The following CST8 variants were observed in gnomAD, a reference collection of about 807,000 sequenced individuals.
CST8 encodes cystatin-8.
In CST8, 20 loss-of-function variants were observed where a neutral mutation model predicts 11.8. That is an observed-to-expected ratio of 1.70 (90% CI 1.20 to 2.47). The LOEUF (loss-of-function observed/expected upper bound fraction) is 2.47, where lower values mean the gene tolerates loss of function less well. Among genes scored for constraint, CST8 ranks in the 30% most tolerant of loss-of-function variants. The pLI is 0.00. For synonymous variants in CST8, 77 were observed against 63.1 expected (o/e 1.22, Z -1.05); for missense variants, 196 against 167.2 (o/e 1.17, Z -0.95).
the CST8 span, among the ~76,000 whole-genome samples, chr20:23,505,533 A>G: frequency 6.7e-6 from 1 of 149,422 alleles, no homozygotes; most frequent in Admixed American, 6.7e-5. Context: ...AAAAAAAAAA[A>G]TCACACCCCA....
Position 23,491,707 on chromosome 20 carries a change from A to G in CST8, c.40A>G (p.Ile14Val). 6.2e-7 allele frequency: 1 copy of G among 1,613,980 alleles called. No individual in the cohort carries two copies. Among genetic ancestry groups the G allele is most frequent in the Non-Finnish European group, 8.5e-7 (1 of 1,179,924 alleles). ...CRWLSLILLT[I>V]PLALVARKDP... ...GTGGCTCTCCCTGATCCTCCTCACCATTCCCCTGGCCCTGGTGGCCAGGAA... is the reference window on the plus strand; with the variant it reads ...GTGGCTCTCCCTGATCCTCCTCACCGTTCCCCTGGCCCTGGTGGCCAGGAA... The change falls in exon 2 of 4, where the codon ATT (isoleucine) becomes GTT (valine). Residue 14 changes from isoleucine to valine, a missense_variant. Ile to Val is a conservative substitution (Grantham distance 29). Coordinates refer to ENST00000246012, the MANE Select transcript of CST8 (RefSeq NM_005492.4).
intron 3 of CST8, 55 bp from the exon 4 acceptor site, chr20:23,495,776 T>TTTTTTTTTTTTTTTTTTTTTTTC: frequency 1.9e-5 from 1 of 53,654 alleles, no homozygotes; most frequent in Admixed American, 3.2e-4. Flanking sequence ...TTTTCTTTTC[T>TTTTTTTTTTTTTTTTTTTTTTTC]TTTTTTTTTT....
chr20:23,500,955 C>T (rs867175800), downstream of CST8, among the ~76,000 whole-genome samples: 6 of 152,176 alleles, frequency 3.9e-5, no homozygotes, highest in Non-Finnish European at 7.3e-5. Flanking sequence ...GCTTCCACCA[C>T]CATTTTGGAA....
At chr20:23,498,762 A>T (rs1600299783), downstream of CST8, among the ~76,000 whole-genome samples, 1 of 152,292 alleles carries the variant, frequency 6.6e-6, no homozygotes, top group Non-Finnish European at 1.5e-5. Context: ...TTGGAATGTG[A>T]TGTATCTTTT....
chr20:23,506,323 A>G, the CST8 span, among the ~76,000 whole-genome samples: 1 of 151,928 alleles, frequency 6.6e-6, no homozygotes, highest in African/African-American at 2.4e-5. Flanking sequence ...GGGGTCCTAG[A>G]CTCCTCCTTC....
chr20:23,499,649 C>T (rs1192388831), downstream of CST8, among the ~76,000 whole-genome samples: 1 of 152,194 alleles, frequency 6.6e-6, no homozygotes, highest in Admixed American at 6.5e-5. Flanking sequence ...TGCTGCCAGG[C>T]TCAGGATTCA....
intron 3 of CST8, 126 bp from the exon 4 acceptor site, chr20:23,495,705 G>A (rs1214720575): frequency 2.6e-5 from 18 of 698,414 alleles, no homozygotes; most frequent in Admixed American, 5.3e-5. Context: ...GAGCTCGCTC[G>A]AGAGTGGTGA....
chr20:23,495,863 T>G lies in CST8; in HGVS notation c.378T>G (p.Leu126=). The change falls in exon 4 of 4, where the codon CTT becomes CTG. Residue 126 remains leucine (L), a synonymous_variant. Transcript: ENST00000246012. ...KLSCSFLVGA[L]PWNGEFTVME... ...GCTGCAGCTTTTTGGTAGGAGCACT[T>G]CCCTGGAATGGTGAATTCACTGTGA... The G allele has an allele frequency of 6.2e-7, 1 of 1,612,220 alleles. No homozygotes were observed. The highest frequency in any genetic ancestry group is 8.5e-7 in the Non-Finnish European group (1 of 1,179,422).
chr20:23,494,883 G>T (rs1181564498), intron 3 of CST8, among the ~76,000 whole-genome samples: 4 of 152,244 alleles, frequency 2.6e-5, no homozygotes, highest in Middle Eastern at 3.4e-3. Flanking sequence ...TGTCACAGGG[G>T]TTTGGTGTAC....
chr20:23,496,659 C>T (rs1021253229), downstream of CST8, among the ~76,000 whole-genome samples: 5 of 152,168 alleles, frequency 3.3e-5, no homozygotes, highest in African/African-American at 7.2e-5. Context: ...GGAATTTCCT[C>T]GTCCTAATAA....
chr20:23,493,030 A>T lies in CST8; in HGVS notation c.304A>T (p.Asn102Tyr). The change falls in exon 3 of 4, where the codon AAT becomes TAT. Residue 102 changes from asparagine to tyrosine, a missense_variant. Physicochemically the swap from Asn to Tyr is moderately radical, Grantham distance 143 (BLOSUM62 -2). Coordinates refer to ENST00000246012, the MANE Select transcript of CST8 (RefSeq NM_005492.4). Reference sequence around the variant, plus strand: ...CGATTGCAGAAAGCCTTTAAGCACTAATGAAATCTGCGCCATTCAAGAAAA... The same window carrying T: ...CGATTGCAGAAAGCCTTTAAGCACTTATGAAATCTGCGCCATTCAAGAAAA... ...RSDCRKPLST[N>Y]EICAIQENSK... 1 of 1,613,158 alleles carries T rather than the reference A, an allele frequency of 6.2e-7. No homozygotes were observed. The highest frequency in any genetic ancestry group is 1.1e-5 in the South Asian group (1 of 91,060).
downstream of CST8, among the ~76,000 whole-genome samples, chr20:23,496,362 G>A (rs572537170): frequency 5.8e-4 from 88 of 152,160 alleles, no homozygotes; most frequent in Admixed American, 1.9e-3. Context: ...TCACATGTCG[G>A]CAGGTTCCAT....
the CST8 span, among the ~76,000 whole-genome samples, chr20:23,504,225 C>T: frequency 6.6e-6 from 1 of 152,294 alleles, no homozygotes; most frequent in South Asian, 2.1e-4. Flanking sequence ...CTAATGGATG[C>T]CAAGTAGCTA....
the CST8 span, among the ~76,000 whole-genome samples, chr20:23,506,501 C>A: frequency 2.0e-5 from 3 of 152,208 alleles, no homozygotes; most frequent in African/African-American, 7.2e-5. Flanking sequence ...CTTTCTATAC[C>A]CCATGTTCTG....
At chr20:23,499,537 G>A (rs769303989), downstream of CST8, among the ~76,000 whole-genome samples, 1 of 152,218 alleles carries the variant, frequency 6.6e-6, no homozygotes, top group Non-Finnish European at 1.5e-5. Context: ...AGCTCTGAAT[G>A]CCCAGTGCTG....
At chr20:23,505,876 C>G in the CST8 span, among the ~76,000 whole-genome samples, 4 of 152,286 alleles carry the variant, frequency 2.6e-5, no homozygotes, top group African/African-American at 9.6e-5. Context: ...AAGAACTGCC[C>G]TCAAGTCTTA....
the CST8 span, among the ~76,000 whole-genome samples, chr20:23,504,107 AAGC>A: frequency 6.6e-6 from 1 of 152,248 alleles, no homozygotes; most frequent in African/African-American, 2.4e-5. Context: ...TTTAATTATC[AAGC>A]CCAGAGGGGC....
chr20:23,504,192 C>T, the CST8 span, among the ~76,000 whole-genome samples: 3 of 152,208 alleles, frequency 2.0e-5, no homozygotes, highest in Non-Finnish European at 2.9e-5. Context: ...CCTCCTGAAG[C>T]CACCGGCTAT....
chr20:23,492,784 G>A (rs1394142563), intron 2 of CST8, among the ~76,000 whole-genome samples, 174 bp from the exon 3 acceptor site: 1 of 152,094 alleles, frequency 6.6e-6, no homozygotes, highest in Non-Finnish European at 1.5e-5. Context: ...GACTGATCTT[G>A]TTGTACACAG....
Sources: allele counts gnomAD v4.1 joint callset (sites outside exome capture counted in the v4.1 genomes callset), GRCh38; gene constraint gnomAD v4.1.1; transcripts MANE v1.5; gene names NCBI Gene and HGNC (gene_info 2026-07-23, HGNC 2026-07-21).